CRTC3: variants seen among roughly 807,000 people sequenced by gnomAD.
The protein encoded by CRTC3 is CREB-regulated transcription coactivator 3.
In CRTC3, 26 loss-of-function variants were observed where a neutral mutation model predicts 74.5. The observed-to-expected ratio is 0.35, with a 90% confidence interval of 0.26 to 0.48. CRTC3 has a LOEUF of 0.48. Ranked by LOEUF, CRTC3 falls within the 20% of genes least tolerant of loss-of-function variation. The pLI is 0.99. For synonymous variants in CRTC3, 377 were observed against 325.8 expected (o/e 1.16, Z -1.69); for missense variants, 760 against 787.3 (o/e 0.97, Z 0.41).
At chr15:90,608,555 C>T (rs896010954) in intron 6 of CRTC3, among the ~76,000 whole-genome samples, 3 of 152,230 alleles carry the variant, frequency 2.0e-5, no homozygotes, top group Non-Finnish European at 4.4e-5. Flanking sequence ...CCTCTCAGCT[C>T]AGAGTTATCG....
rs1242369132 is a variant in CRTC3 at position 90,638,727 on chromosome 15, C to T, written c.1468-8C>T. ...CAAGCTAAATGATCATCTCCTTATTCCCTGAAGGGCTCATCTTTGACCAAC... is the reference window on the plus strand; with the variant it reads ...CAAGCTAAATGATCATCTCCTTATTTCCTGAAGGGCTCATCTTTGACCAAC... On this transcript the variant is annotated splice_region_variant and splice_polypyrimidine_tract_variant and intron_variant, in intron 12 of 14. Coordinates refer to ENST00000268184, the MANE Select transcript of CRTC3 (RefSeq NM_022769.5). The T allele has an allele frequency of 6.2e-7, 1 of 1,613,878 alleles. No homozygotes were observed. Among genetic ancestry groups the T allele is most frequent in the Non-Finnish European group, 8.5e-7 (1 of 1,179,776 alleles).
At chr15:90,580,079 A>G (rs926022612) in intron 2 of CRTC3, among the ~76,000 whole-genome samples, 1 of 152,212 alleles carries the variant, frequency 6.6e-6, no homozygotes, top group African/African-American at 2.4e-5. Context: ...TCACTAATAA[A>G]TATTTCTCCT....
At chr15:90,556,112 A>G (rs1966887339) in intron 2 of CRTC3, among the ~76,000 whole-genome samples, 1 of 152,020 alleles carries the variant, frequency 6.6e-6, no homozygotes, top group Non-Finnish European at 1.5e-5. Context: ...TATAATAATT[A>G]TTTCCCTATG....
intron 2 of CRTC3, among the ~76,000 whole-genome samples, chr15:90,551,800 A>T (rs7183319): frequency 0.84 from 127,394 of 150,900 alleles, 53,998 homozygotes; most frequent in Middle Eastern, 0.92. Flanking sequence ...TCTGAGTACA[A>T]GCATTTCAAA....
At chr15:90,622,626 C>T (rs753242250) in intron 9 of CRTC3, among the ~76,000 whole-genome samples, 17 of 152,008 alleles carry the variant, frequency 1.1e-4, no homozygotes, top group Non-Finnish European at 1.8e-4. Flanking sequence ...TGAGGCAGGC[C>T]GATCACTTGA....
chr15:90,623,064 C>T (rs1035661218), intron 9 of CRTC3, among the ~76,000 whole-genome samples: 4 of 152,114 alleles, frequency 2.6e-5, no homozygotes, highest in Non-Finnish European at 1.5e-5. Flanking sequence ...CTGATTCCCC[C>T]GTCACCACCC....
intron 5 of CRTC3, among the ~76,000 whole-genome samples, chr15:90,605,637 G>A (rs1181070916): frequency 6.6e-6 from 1 of 152,088 alleles, no homozygotes; most frequent in Admixed American, 6.5e-5. Context: ...CTGAACCCAG[G>A]TCTCTCTGAT....
chr15:90,532,104 C>G (rs1966637251), intron 1 of CRTC3, among the ~76,000 whole-genome samples: 1 of 152,150 alleles, frequency 6.6e-6, no homozygotes, highest in Admixed American at 6.6e-5. Context: ...TCATTTTGCC[C>G]TTCACCTGGT....
chr15:90,636,517 ACACCAAAAGCAATGG>A (rs1969243548), intron 11 of CRTC3, among the ~76,000 whole-genome samples: 1 of 151,940 alleles, frequency 6.6e-6, no homozygotes, highest in Non-Finnish European at 1.5e-5. Flanking sequence ...CATGTCTAAA[ACACCAAAAGCAATGG>A]CAACAAAAGC....
intron 2 of CRTC3, among the ~76,000 whole-genome samples, chr15:90,582,008 C>T (rs886981727): frequency 3.3e-5 from 5 of 152,274 alleles, no homozygotes; most frequent in African/African-American, 9.6e-5. Flanking sequence ...TCCAAGGGTG[C>T]CTTTGGCCAG....
Position 90,598,768 on chromosome 15 carries a change from G to A in CRTC3, c.352-3556G>A, listed in dbSNP as rs887097045. ...ACAAAAGAACTGTTGGGAGCTGGAGGTGTCGATTTATGAGTTACTGGACTG... is the reference window on the plus strand; with the variant it reads ...ACAAAAGAACTGTTGGGAGCTGGAGATGTCGATTTATGAGTTACTGGACTG... On this transcript the variant is annotated intron_variant, in intron 3 of 14. Transcript: ENST00000268184. 5.8e-6 allele frequency: 3 copies of A among 514,684 alleles called. No homozygotes were observed. The East Asian group carries it at 1.0e-4, about 18-fold the overall frequency. 31.9% of individuals were successfully genotyped at this position (514,684 alleles called of 1,614,324 possible).
chr15:90,630,678 A>G (rs1427534301), intron 11 of CRTC3, among the ~76,000 whole-genome samples: 1 of 151,504 alleles, frequency 6.6e-6, no homozygotes, highest in Admixed American at 6.6e-5. Flanking sequence ...CTAAACTCAG[A>G]GGTGGTTCTC....
chr15:90,618,644 A>T (rs1968558729), intron 8 of CRTC3, among the ~76,000 whole-genome samples: 1 of 152,114 alleles, frequency 6.6e-6, no homozygotes, highest in South Asian at 2.1e-4. Flanking sequence ...AATTGTTTGT[A>T]TTGCCTGTGT....
At chr15:90,634,628 C>T (rs539955596) in intron 11 of CRTC3, 2 of 498,326 alleles carry the variant, frequency 4.0e-6, no homozygotes, top group Non-Finnish European at 7.2e-6. Context: ...CCTGGTGATC[C>T]TCAGTGCTCT....
intron 2 of CRTC3, among the ~76,000 whole-genome samples, chr15:90,560,742 T>C (rs191555077): frequency 6.7e-4 from 102 of 152,294 alleles, no homozygotes; most frequent in African/African-American, 2.3e-3. Flanking sequence ...AGGTCCTGTT[T>C]GAGTCTGAAC....
intron 2 of CRTC3, among the ~76,000 whole-genome samples, chr15:90,580,407 G>A (rs946696443): frequency 4.0e-5 from 6 of 151,534 alleles, no homozygotes; most frequent in South Asian, 2.1e-4. Flanking sequence ...TGTCAGTCCC[G>A]CTGGTTTTTC....
rs575015670 is a variant in CRTC3 at position 90,590,491 on chromosome 15, C to T, written c.232-3145C>T. ...TCTTGGCTCACTGCAACCTCTGCCA[C>T]CTGAGTTCAAGTGATTCTAGTGCCA... is the stretch of plus-strand genomic sequence containing the variant. On this transcript the variant is annotated intron_variant, in intron 2 of 14. Coordinates refer to ENST00000268184, the MANE Select transcript of CRTC3 (RefSeq NM_022769.5). Among the ~76,000 whole-genome samples, 4 of 151,952 alleles carry T rather than the reference C, an allele frequency of 2.6e-5. No homozygotes were observed. The East Asian group carries it at 7.8e-4, about 30-fold the overall frequency.
At chr15:90,565,655 A>T (rs544846799) in intron 2 of CRTC3, among the ~76,000 whole-genome samples, 1 of 152,324 alleles carries the variant, frequency 6.6e-6, no homozygotes, top group South Asian at 2.1e-4. Flanking sequence ...CATTTCAGTA[A>T]ATCTTGCAAC....
intron 1 of CRTC3, among the ~76,000 whole-genome samples, chr15:90,536,490 C>CA (rs34900618): frequency 0.081 from 11,402 of 141,564 alleles, 464 homozygotes; most frequent in African/African-American, 0.1. Flanking sequence ...GACCCTGTCT[C>CA]AAAAAAAAAA....
Sources: gnomAD v4.1 joint callset for allele counts (sites outside exome capture counted in the v4.1 genomes callset) on GRCh38, gnomAD v4.1.1 for gene constraint, MANE v1.5 for transcripts, NCBI Gene and HGNC (gene_info 2026-07-23, HGNC 2026-07-21) for gene names.